The following NPL variants were observed in gnomAD, a reference collection of about 807,000 sequenced individuals.
NPL encodes the protein N-acetylneuraminate pyruvate lyase, also known as N-acetylneuraminate lyase.
NPL carries 32 observed loss-of-function variants against 41.1 expected under a neutral mutation model. The ratio of observed to expected loss-of-function variants is 0.78; its 90% CI spans 0.59 to 1.05. NPL has a LOEUF of 1.05. Ranked by LOEUF, NPL falls within the 50% of genes least tolerant of loss-of-function variation. The pLI is 0.00. For missense variants in NPL, 321 were observed against 378.4 expected (o/e 0.85, Z 1.26); for synonymous variants, 128 against 134.9 (o/e 0.95, Z 0.35).
At chr1:182,821,203 A>G (rs1667477498) in intron 10 of NPL, among the ~76,000 whole-genome samples, 1 of 152,240 alleles carries the variant, frequency 6.6e-6, no homozygotes, top group Admixed American at 6.5e-5. Context: ...CATTTCTGTT[A>G]GTGGTACATC....
chr1:182,816,333 T>C (rs1167933191), intron 7 of NPL, among the ~76,000 whole-genome samples: 1 of 152,260 alleles, frequency 6.6e-6, no homozygotes, highest in East Asian at 1.9e-4. Flanking sequence ...TAAAATCTTA[T>C]TATTATCCTA....
chr1:182,811,662 T>C (rs1374065030), intron 5 of NPL, among the ~76,000 whole-genome samples: 1 of 152,204 alleles, frequency 6.6e-6, no homozygotes, highest in Non-Finnish European at 1.5e-5. Context: ...TGTGATCCTC[T>C]GCCTCTAACT....
At chr1:182,818,060 A>C (rs1453002349) in intron 8 of NPL, among the ~76,000 whole-genome samples, 1 of 152,190 alleles carries the variant, frequency 6.6e-6, no homozygotes, top group Non-Finnish European at 1.5e-5. Flanking sequence ...ATCCTGAGGC[A>C]ATCTAGGTGA....
chr1:182,791,579 T>C (rs538471959), intron 1 of NPL, among the ~76,000 whole-genome samples: 2 of 152,362 alleles, frequency 1.3e-5, no homozygotes, highest in Admixed American at 6.5e-5. Flanking sequence ...TCCTAACCCC[T>C]ATCCTACACT....
chr1:182,816,507 T>C (rs1011225857), intron 7 of NPL, among the ~76,000 whole-genome samples: 4 of 152,192 alleles, frequency 2.6e-5, no homozygotes, highest in Admixed American at 2.6e-4. Context: ...TCGTCTTACT[T>C]TGGGCTTTCT....
chr1:182,799,732 C>CAAAAA (rs556336661), intron 3 of NPL, among the ~76,000 whole-genome samples: 3 of 61,200 alleles, frequency 4.9e-5, no homozygotes, highest in Non-Finnish European at 7.1e-5. Flanking sequence ...ACCCTGTCTC[C>CAAAAA]AAAAAAAAAA....
intron 1 of NPL, among the ~76,000 whole-genome samples, chr1:182,791,052 G>T (rs1666500542): frequency 6.6e-6 from 1 of 152,090 alleles, no homozygotes; most frequent in African/African-American, 2.4e-5. Context: ...AGCTGCCATT[G>T]CCCCCAGATG....
At chr1:182,806,055 GC>G in intron 4 of NPL, 89 bp from the exon 5 acceptor site, 1 of 1,461,278 alleles carries the variant, frequency 6.8e-7, no homozygotes, top group Admixed American at 1.8e-5. Flanking sequence ...CATCCTCAGT[GC>G]AGTGGTTTCT....
rs754841180 is a variant in NPL at position 182,794,365 on chromosome 1, C to T, written c.-7C>T. ...ATTGTATGTTTTCCAGACCTACCAG[C>T]AGCTCAATGGCCTTCCCAAAGAAGA... On this transcript the variant is annotated 5_prime_UTR_variant, in exon 3 of 13. Transcript: ENST00000367553. The T allele has an allele frequency of 1.2e-6, 2 of 1,613,938 alleles. No individual in the cohort carries two copies. Among genetic ancestry groups the T allele is most frequent in the African/African-American group, 2.7e-5 (2 of 75,066 alleles).
Position 182,803,671 on chromosome 1 carries a change from A to G in NPL, c.69-27A>G, listed in dbSNP as rs781387362. On this transcript the variant is annotated intron_variant, in intron 3 of 12. Coordinates refer to ENST00000367553, the MANE Select transcript of NPL (RefSeq NM_030769.3). ...AATAATAATCTGAAAAAGACTAAATATGCCTTTTTTTCCACATGTCTTCTA... is the reference window on the plus strand; with the variant it reads ...AATAATAATCTGAAAAAGACTAAATGTGCCTTTTTTTCCACATGTCTTCTA... The G allele has an allele frequency of 5.5e-6, 8 of 1,456,690 alleles. No homozygotes were observed. In the South Asian group the frequency reaches 8.0e-5, roughly 15 times the overall value. The allele number at this position is 1,456,690 out of a possible 1,614,324, so 90.2% of individuals were successfully genotyped here. A position where few individuals can be genotyped will look rare whatever the true frequency, so the allele number is the denominator to read the frequency against.
chr1:182,798,919 G>A (rs979740994), intron 3 of NPL, among the ~76,000 whole-genome samples: 12 of 152,198 alleles, frequency 7.9e-5, no homozygotes, highest in African/African-American at 2.9e-4. Context: ...GCATATAACT[G>A]CTATCTGATT....
At chr1:182,806,375 G>A (rs980564348) in intron 5 of NPL, 143 bp downstream of exon 5, 2 of 1,547,904 alleles carry the variant, frequency 1.3e-6, no homozygotes, top group Non-Finnish European at 8.7e-7. Flanking sequence ...AGGGCCCCCG[G>A]GATCCTGGCT....
chr1:182,793,635 A>G (rs527815673), intron 2 of NPL, among the ~76,000 whole-genome samples: 14 of 152,338 alleles, frequency 9.2e-5, no homozygotes, highest in African/African-American at 3.4e-4. Context: ...GGAAAACTGG[A>G]CAAAACTGGG....
At chr1:182,819,318 C>T (rs950535310) in intron 10 of NPL, among the ~76,000 whole-genome samples, 15 of 151,696 alleles carry the variant, frequency 9.9e-5, no homozygotes, top group Non-Finnish European at 1.5e-4. Context: ...TGGTGGCGGG[C>T]GCCTGTAATC....
intron 8 of NPL, among the ~76,000 whole-genome samples, chr1:182,817,098 A>G (rs944424172): frequency 4.6e-5 from 7 of 152,358 alleles, no homozygotes; most frequent in East Asian, 1.9e-4. Flanking sequence ...TATTGAGAAG[A>G]CATGAGTCTG....
intron 5 of NPL, chr1:182,809,190 A>G (rs1483377579): frequency 2.2e-6 from 1 of 444,726 alleles, no homozygotes; most frequent in Non-Finnish European, 4.5e-6. Flanking sequence ...TTAAGGTCAA[A>G]CCATCATAAG....
rs879219566 is a variant in NPL, at chr1:182,806,653, G to A, written c.230+421G>A. On this transcript the variant is annotated intron_variant, in intron 5 of 12. Transcript: ENST00000367553. ...TGTATTGGCCCACTTCTCCTGACAG[G>A]TCTCTGTGCATCCAACTCAATGTGC... 8.8e-6 allele frequency: 10 copies of A among 1,131,228 alleles called. No individual in the cohort carries two copies. In the South Asian group the frequency reaches 1.2e-4, roughly 14 times the overall value. 70.1% of individuals were successfully genotyped at this position (1,131,228 alleles called of 1,614,324 possible).
chr1:182,798,274 C>T (rs766210602), intron 3 of NPL, among the ~76,000 whole-genome samples: 10 of 142,276 alleles, frequency 7.0e-5, no homozygotes, highest in Non-Finnish European at 6.0e-5. Flanking sequence ...TCGCAGCAGG[C>T]GGGAGTGCAG....
At chr1:182,824,421 C>A (rs1667574417) in intron 11 of NPL, among the ~76,000 whole-genome samples, 1 of 152,102 alleles carries the variant, frequency 6.6e-6, no homozygotes, top group African/African-American at 2.4e-5. Context: ...AGTATACAGT[C>A]AGTTAAAACA....
Sources: gnomAD v4.1 joint callset for allele counts (sites outside exome capture counted in the v4.1 genomes callset) on GRCh38, gnomAD v4.1.1 for gene constraint, MANE v1.5 for transcripts, NCBI Gene and HGNC (gene_info 2026-07-23, HGNC 2026-07-21) for gene names.